The following HELZ variants were observed in gnomAD, a reference collection of about 807,000 sequenced individuals.
The protein encoded by HELZ is helicase with zinc finger.
HELZ carries 23 observed loss-of-function variants against 218.2 expected under a neutral mutation model. The observed-to-expected ratio is 0.11, with a 90% CI of 0.08 to 0.15. HELZ has a LOEUF of 0.15. Among genes scored for constraint, HELZ ranks in the 10% least tolerant of loss-of-function variants. The pLI is 1.00. For synonymous variants in HELZ, 814 were observed against 829.4 expected (o/e 0.98, Z 0.32); for missense variants, 1,813 against 2,353.7 (o/e 0.77, Z 4.75).
intron 9 of HELZ, among the ~76,000 whole-genome samples, chr17:67,191,501 G>A (rs2039893811): frequency 6.6e-6 from 1 of 151,886 alleles, no homozygotes; most frequent in Non-Finnish European, 1.5e-5. Context: ...GCCCAGGCTA[G>A]AGCGCAGTGG....
chr17:67,088,923 TA>T lies in HELZ; in HGVS notation c.5242-1843del, dbSNP rs374403342. ...TAGTGAGTAGAATAAGTAACCTTTC[TA>T]AACTGCACTGTGTGCTCTATGCCTG... On this transcript the variant is annotated intron_variant, in intron 31 of 32. Transcript: ENST00000358691. Among the ~76,000 whole-genome samples, 16 of 152,346 alleles carry T rather than the reference TA, an allele frequency of 1.1e-4. No individual in the cohort carries two copies. In the East Asian group the frequency reaches 2.1e-3, roughly 20 times the overall value.
intron 26 of HELZ, among the ~76,000 whole-genome samples, chr17:67,121,363 G>T (rs1314115686): frequency 6.6e-6 from 1 of 152,054 alleles, no homozygotes; most frequent in Non-Finnish European, 1.5e-5. Flanking sequence ...AAATCCTAAG[G>T]GACTTACTAT....
intron 15 of HELZ, among the ~76,000 whole-genome samples, chr17:67,164,662 T>G (rs1429396130): frequency 2.0e-5 from 3 of 152,090 alleles, no homozygotes; most frequent in African/African-American, 7.2e-5. Context: ...GGCAAATAAG[T>G]ACAGGGCAAA....
intron 7 of HELZ, among the ~76,000 whole-genome samples, chr17:67,198,949 T>C (rs1056060633): frequency 1.3e-5 from 2 of 152,196 alleles, no homozygotes; most frequent in Admixed American, 1.3e-4. Context: ...TCAAGTGATA[T>C]ATGTGGCCTT....
At chr17:67,176,338 C>A (rs2144210198) in intron 13 of HELZ, 1 of 152,218 alleles carries the variant, frequency 6.6e-6, no homozygotes, top group East Asian at 1.9e-4. Flanking sequence ...AAAAATTCTT[C>A]AAGAACATAA....
intron 7 of HELZ, 90 bp downstream of exon 7, chr17:67,201,039 G>T: frequency 1.0e-6 from 1 of 976,814 alleles, no homozygotes; most frequent in Non-Finnish European, 1.7e-6. Flanking sequence ...TCTGGCTGAT[G>T]CCACAATGGT....
intron 31 of HELZ, among the ~76,000 whole-genome samples, chr17:67,106,559 G>A (rs1055073088): frequency 5.3e-5 from 8 of 151,982 alleles, no homozygotes; most frequent in Non-Finnish European, 8.8e-5. Flanking sequence ...TGCCCGCCTC[G>A]GCCTCCCCAA....
intron 3 of HELZ, among the ~76,000 whole-genome samples, chr17:67,235,979 C>G (rs1290705865): frequency 1.3e-5 from 2 of 152,024 alleles, no homozygotes; most frequent in African/African-American, 2.4e-5. Context: ...CCAGGATGGT[C>G]TCGATCTCCT....
rs2040584047 is a variant in HELZ, at chr17:67,215,761, T to C, written c.247+138A>G. The C allele has an allele frequency of 8.8e-6, 6 of 682,530 alleles. No individual in the cohort carries two copies. The South Asian group carries it at 9.7e-5, about 11-fold the overall frequency. 42.3% of individuals were successfully genotyped at this position (682,530 alleles called of 1,614,324 possible). ...TATGCCCAGCTCAGTGGGAATGTCATCATCCAAATCAGTCACTAGCCACCA... is the reference window on the plus strand; with the variant it reads ...TATGCCCAGCTCAGTGGGAATGTCACCATCCAAATCAGTCACTAGCCACCA... On this transcript the variant is annotated intron_variant, in intron 5 of 32. Transcript: ENST00000358691.
At chr17:67,115,812 A>G (rs1365845710) in intron 27 of HELZ, among the ~76,000 whole-genome samples, 1 of 152,170 alleles carries the variant, frequency 6.6e-6, no homozygotes, top group Non-Finnish European at 1.5e-5. Flanking sequence ...AAATATTTTT[A>G]AAAAGTCTTT....
intron 12 of HELZ, among the ~76,000 whole-genome samples, chr17:67,187,826 T>C (rs145279870): frequency 6.6e-6 from 1 of 152,308 alleles, no homozygotes; most frequent in Non-Finnish European, 1.5e-5. Flanking sequence ...AAAGGCACCC[T>C]TGGCCTCCTT....
intron 3 of HELZ, among the ~76,000 whole-genome samples, chr17:67,221,133 T>A (rs1361956437): frequency 6.6e-6 from 1 of 152,186 alleles, no homozygotes; most frequent in Non-Finnish European, 1.5e-5. Context: ...CATGATATAG[T>A]CCAGATATAA....
At chr17:67,155,692 C>T (rs2144079318) in intron 17 of HELZ, among the ~76,000 whole-genome samples, 1 of 152,196 alleles carries the variant, frequency 6.6e-6, no homozygotes, top group South Asian at 2.1e-4. Context: ...CAAAAGTTAA[C>T]TGGGCGTGGT....
chr17:67,087,373 A>G (rs1285309038), intron 31 of HELZ, among the ~76,000 whole-genome samples: 1 of 152,192 alleles, frequency 6.6e-6, no homozygotes, highest in Non-Finnish European at 1.5e-5. Context: ...TCTTATCTGT[A>G]GAATATGGGA....
chr17:67,245,382 C>A, upstream of HELZ: 1 of 786,206 alleles, frequency 1.3e-6, no homozygotes, highest in Non-Finnish European at 1.5e-6. Context: ...ATTGAAAATT[C>A]ACCCGCATTT....
At chr17:67,152,253 G>C (rs1325683952) in intron 17 of HELZ, among the ~76,000 whole-genome samples, 1 of 152,172 alleles carries the variant, frequency 6.6e-6, no homozygotes, top group Non-Finnish European at 1.5e-5. Context: ...ACATGAACCT[G>C]AGAAGTCGTA....
At chr17:67,227,498 T>C (rs941955197) in intron 3 of HELZ, among the ~76,000 whole-genome samples, 9 of 152,302 alleles carry the variant, frequency 5.9e-5, no homozygotes, top group Admixed American at 4.6e-4. Flanking sequence ...ACATGATTTT[T>C]TAAAACTACA....
rs550942960 is a variant in HELZ, at chr17:67,218,830, C to T, written c.-18-8G>A. 8.1e-6 allele frequency: 13 copies of T among 1,598,168 alleles called. No homozygotes were observed. In the South Asian group the frequency reaches 1.2e-4, roughly 15 times the overall value. ...GACTCAGGGACAAAAATCCTACAGA[C>T]AGGGAGAAAGAACAAGAGAAGGTTT... On this transcript the variant is annotated splice_region_variant and splice_polypyrimidine_tract_variant and intron_variant, in intron 3 of 32. Transcript: ENST00000358691.
chr17:67,182,122 A>G (rs2039629822), intron 12 of HELZ, among the ~76,000 whole-genome samples: 1 of 152,160 alleles, frequency 6.6e-6, no homozygotes, highest in Non-Finnish European at 1.5e-5. Context: ...TTCAGCCTAG[A>G]TTAGGCTAAA....
Sources: gnomAD v4.1 joint callset for allele counts (sites outside exome capture counted in the v4.1 genomes callset) on GRCh38, gnomAD v4.1.1 for gene constraint, MANE v1.5 for transcripts, NCBI Gene and HGNC (gene_info 2026-07-23, HGNC 2026-07-21) for gene names.